The following SYT9 variants were observed in gnomAD, a reference collection of about 807,000 sequenced individuals.
SYT9 encodes the protein synaptotagmin 9.
A neutral mutation model predicts 48.4 loss-of-function variants in SYT9; 22 were observed. The ratio of observed to expected loss-of-function variants is 0.45; its 90% confidence interval spans 0.32 to 0.65. The LOEUF (loss-of-function observed/expected upper bound fraction) is 0.65. SYT9 is among the 30% of genes least tolerant of loss of function. The pLI is 0.03. For missense variants in SYT9, 577 were observed against 622.0 expected (o/e 0.93, Z 0.77); for synonymous variants, 265 against 245.0 (o/e 1.08, Z -0.76).
At chr11:7,431,551 A>G (rs530796274) in intron 6 of SYT9, among the ~76,000 whole-genome samples, 2 of 152,364 alleles carry the variant, frequency 1.3e-5, no homozygotes, top group Non-Finnish European at 2.9e-5. Context: ...AACATCCAAG[A>G]CAATGGGAAA....
At chr11:7,440,627 C>T (rs1847813156) in intron 6 of SYT9, 1 of 152,158 alleles carries the variant, frequency 6.6e-6, no homozygotes, top group East Asian at 1.9e-4. Flanking sequence ...TGTGAGAATA[C>T]AGGTGGTATT....
chr11:7,325,025 T>C (rs1402359547), intron 3 of SYT9, among the ~76,000 whole-genome samples: 1 of 152,206 alleles, frequency 6.6e-6, no homozygotes, highest in Non-Finnish European at 1.5e-5. Context: ...ACTTTTTATA[T>C]ATGTCTGGTC....
chr11:7,309,983 T>C (rs1045493400), intron 2 of SYT9, among the ~76,000 whole-genome samples: 3 of 152,254 alleles, frequency 2.0e-5, no homozygotes, highest in Non-Finnish European at 4.4e-5. Flanking sequence ...TTTAAGCCAC[T>C]ACCTTACAGT....
upstream of SYT9, among the ~76,000 whole-genome samples, chr11:7,249,188 C>T (rs1312268968): frequency 1.3e-5 from 2 of 152,228 alleles, no homozygotes; most frequent in Non-Finnish European, 2.9e-5. Context: ...ACAGTTCACT[C>T]TATAGCAGTA....
Position 7,252,620 on chromosome 11 carries a change from C to G in SYT9, c.145+289C>G, listed in dbSNP as rs575150713. Among the ~76,000 whole-genome samples, 1 of 152,204 alleles carries G rather than the reference C, an allele frequency of 6.6e-6. No individual in the cohort carries two copies. The highest frequency in any genetic ancestry group is 1.5e-5 in the Non-Finnish European group (1 of 68,034). ...TCGCCAAGGCTCCTGGGGGCGGCTCCCTAGCTCCGAGCTACGCTCTCCACT... is the reference window on the plus strand; with the variant it reads ...TCGCCAAGGCTCCTGGGGGCGGCTCGCTAGCTCCGAGCTACGCTCTCCACT... On this transcript the variant is annotated intron_variant, in intron 1 of 6. Transcript: ENST00000318881. The surrounding 1 kb of genome is among the most constrained non-coding windows in gnomAD (Gnocchi z 6.3).
chr11:7,318,281 A>G (rs896759405), intron 3 of SYT9, among the ~76,000 whole-genome samples: 1 of 150,824 alleles, frequency 6.6e-6, no homozygotes, highest in African/African-American at 2.4e-5. Flanking sequence ...CTTTATGTTA[A>G]TATATCTTCT....
At chr11:7,405,741 G>T (rs1846995678) in intron 3 of SYT9, among the ~76,000 whole-genome samples, 1 of 152,156 alleles carries the variant, frequency 6.6e-6, no homozygotes, top group Non-Finnish European at 1.5e-5. Flanking sequence ...ACATAGGCTA[G>T]TATATGTATG....
At chr11:7,249,054 G>T (rs932339442), upstream of SYT9, among the ~76,000 whole-genome samples, 1 of 152,052 alleles carries the variant, frequency 6.6e-6, no homozygotes, top group African/African-American at 2.4e-5. Context: ...CTGGTTTGAT[G>T]ATTCTTATAA....
chr11:7,374,802 T>C (rs1850424118), intron 3 of SYT9, among the ~76,000 whole-genome samples: 1 of 152,246 alleles, frequency 6.6e-6, no homozygotes, highest in Non-Finnish European at 1.5e-5. Flanking sequence ...TTAAGTTCCT[T>C]GTAGATTCTG....
intron 5 of SYT9, among the ~76,000 whole-genome samples, chr11:7,418,688 T>G (rs1159702340): frequency 6.6e-6 from 1 of 152,220 alleles, no homozygotes; most frequent in African/African-American, 2.4e-5. Flanking sequence ...CAAGGTACAT[T>G]AAAATGTATA....
intron 6 of SYT9, among the ~76,000 whole-genome samples, chr11:7,432,612 T>A (rs866024921): frequency 1.5e-4 from 4 of 25,980 alleles, no homozygotes; most frequent in African/African-American, 3.9e-4. Context: ...TATATATATA[T>A]ATATATATAT....
intron 1 of SYT9, among the ~76,000 whole-genome samples, chr11:7,272,016 C>G (rs1046700550): frequency 2.0e-5 from 3 of 152,190 alleles, no homozygotes; most frequent in Non-Finnish European, 2.9e-5. Context: ...TTTTGTTCTA[C>G]ATTTAAATAC....
chr11:7,329,814 A>C (rs1473384296), intron 3 of SYT9, among the ~76,000 whole-genome samples: 1 of 152,192 alleles, frequency 6.6e-6, no homozygotes, highest in African/African-American at 2.4e-5. Flanking sequence ...CCTTTTATTG[A>C]ATCTGAGTCT....
chr11:7,242,608 C>A (rs976478427), intron 1 of SYT9, among the ~76,000 whole-genome samples: 4 of 152,036 alleles, frequency 2.6e-5, no homozygotes, highest in African/African-American at 9.7e-5. Flanking sequence ...TTGAAATAGA[C>A]CTCTAGGATT....
chr11:7,268,104 A>G (rs369678387), intron 1 of SYT9, among the ~76,000 whole-genome samples: 2 of 151,984 alleles, frequency 1.3e-5, no homozygotes, highest in East Asian at 3.8e-4. Context: ...GTTTAACAAA[A>G]TATTAAGTAC....
chr11:7,417,338 ATCTGG>A, intron 4 of SYT9, among the ~76,000 whole-genome samples: 1 of 152,322 alleles, frequency 6.6e-6, no homozygotes, highest in Middle Eastern at 3.4e-3. Context: ...GAAGAGCCCT[ATCTGG>A]AGCAGAGGCC....
chr11:7,383,392 C>T lies in SYT9; in HGVS notation c.1045-32650C>T, dbSNP rs76910706. Among the ~76,000 whole-genome samples the T allele has an allele frequency of 4.4e-3, 676 of 152,252 alleles. 8 individuals are homozygous for T. Among genetic ancestry groups the T allele is most frequent in the African/African-American group, 0.015 (626 of 41,540 alleles). ...GGAAACCAGATGTCCCCAGAGAGCC[C>T]GGTGGCTCACTGGACATTTGATCCA... On this transcript the variant is annotated intron_variant, in intron 3 of 6. Transcript: ENST00000318881.
chr11:7,247,280 G>C (rs1422482295), upstream of SYT9, among the ~76,000 whole-genome samples: 1 of 151,770 alleles, frequency 6.6e-6, no homozygotes, highest in East Asian at 1.9e-4. Flanking sequence ...AGTCCCCAAA[G>C]TCCATTGTGT....
intron 3 of SYT9, among the ~76,000 whole-genome samples, chr11:7,399,511 T>A (rs1387480852): frequency 6.6e-6 from 1 of 152,228 alleles, no homozygotes; most frequent in Non-Finnish European, 1.5e-5. Flanking sequence ...TACACAGCAC[T>A]GAATTTTAAA....
Sources: allele counts gnomAD v4.1 joint callset (sites outside exome capture counted in the v4.1 genomes callset), GRCh38; gene constraint gnomAD v4.1.1; non-coding constraint Gnocchi (gnomAD v3.1); transcripts MANE v1.5; gene names NCBI Gene and HGNC (gene_info 2026-07-23, HGNC 2026-07-21).